Variants in ARHGAP8 observed in about 807,000 individuals in gnomAD.
ARHGAP8 encodes the protein Rho GTPase activating protein 8.
A neutral mutation model predicts 46.1 loss-of-function variants in ARHGAP8; 62 were observed. The ratio of observed to expected loss-of-function variants is 1.34; its 90% CI spans 1.10 to 1.66. ARHGAP8 has a LOEUF of 1.66. ARHGAP8 is among the 40% of genes most tolerant of loss of function. ARHGAP8 has a pLI of 0.00. For missense variants in ARHGAP8, 923 were observed against 568.4 expected (o/e 1.62, Z -6.34); for synonymous variants, 375 against 243.1 (o/e 1.54, Z -5.05).
chr22:44,796,399 C>G (rs1419193448), intron 2 of ARHGAP8, among the ~76,000 whole-genome samples: 1 of 151,888 alleles, frequency 6.6e-6, no homozygotes, highest in African/African-American at 2.4e-5. Flanking sequence ...GCGGCTGGCC[C>G]TCGTCCCCAG....
chr22:44,860,327 G>GT (rs1218172450), intron 11 of ARHGAP8, among the ~76,000 whole-genome samples: 1 of 152,162 alleles, frequency 6.6e-6, no homozygotes, highest in Non-Finnish European at 1.5e-5. Flanking sequence ...AAAGCAAGGT[G>GT]TGGCGGGCTG....
At position 44,854,024 on chromosome 22, in the gene ARHGAP8, C is replaced by CAAAA. The variant is rs71315119; in HGVS notation, c.877+4999_877+5002dup. ...CCTGGGACACAGCGAGACTCTGTCTCAAAAAAAAAAAAAAAAAAAAAAAAA... is the reference window on the plus strand; with the variant it reads ...CCTGGGACACAGCGAGACTCTGTCTCAAAAAAAAAAAAAAAAAAAAAAAAAAAAA... On this transcript the variant is annotated intron_variant, in intron 10 of 11. Transcript: ENST00000356099. 8.1e-4 allele frequency among the ~76,000 whole-genome samples: 35 copies of CAAAA among 43,302 alleles called. 5 individuals carry two copies. Among genetic ancestry groups the CAAAA allele is most frequent in the Non-Finnish European group, 1.4e-3 (35 of 25,158 alleles). 28.4% of individuals were successfully genotyped at this position (43,302 alleles called of 152,430 possible). A position where few individuals can be genotyped will look rare whatever the true frequency, so the allele number is the denominator to read the frequency against.
At chr22:44,827,661 C>G (rs1392131948) in intron 7 of ARHGAP8, among the ~76,000 whole-genome samples, 1 of 152,046 alleles carries the variant, frequency 6.6e-6, no homozygotes, top group Non-Finnish European at 1.5e-5. Context: ...TTGTTTTAAG[C>G]TACCAAGTTG....
intron 2 of ARHGAP8, among the ~76,000 whole-genome samples, chr22:44,790,544 C>CGGGT (rs1168178780): frequency 6.6e-5 from 10 of 151,548 alleles, no homozygotes; most frequent in African/African-American, 2.4e-4. Flanking sequence ...GGTGTGGTGG[C>CGGGT]ACATATCTGT....
chr22:44,776,514 A>G (rs1253827162), intron 1 of ARHGAP8, among the ~76,000 whole-genome samples: 3 of 151,880 alleles, frequency 2.0e-5, no homozygotes, highest in Non-Finnish European at 4.4e-5. Context: ...CTGTGTCTCC[A>G]CTGTGGTGAG....
At chr22:44,783,682 G>A (rs978932537) in intron 1 of ARHGAP8, among the ~76,000 whole-genome samples, 3 of 152,308 alleles carry the variant, frequency 2.0e-5, no homozygotes, top group Non-Finnish European at 2.9e-5. Flanking sequence ...TCCCCACCCC[G>A]TCAGCGGCAC....
intron 2 of ARHGAP8, among the ~76,000 whole-genome samples, chr22:44,788,771 A>G (rs1436897067): frequency 3.3e-5 from 5 of 152,234 alleles, no homozygotes; most frequent in African/African-American, 1.2e-4. Flanking sequence ...ATATATGGAT[A>G]CAATCCGCTT....
chr22:44,763,570 A>T (rs1373123213), intron 1 of ARHGAP8, among the ~76,000 whole-genome samples: 2 of 151,576 alleles, frequency 1.3e-5, no homozygotes, highest in South Asian at 2.1e-4. Flanking sequence ...AAATGAACGC[A>T]TTAAAGATTT....
chr22:44,858,436 C>G (rs145007122), intron 10 of ARHGAP8, among the ~76,000 whole-genome samples: 1 of 147,076 alleles, frequency 6.8e-6, no homozygotes, highest in Non-Finnish European at 1.5e-5. Flanking sequence ...GGCACCATCT[C>G]GGCTCAGTGC....
intron 1 of ARHGAP8, among the ~76,000 whole-genome samples, chr22:44,774,811 C>T (rs1050863411): frequency 1.1e-4 from 16 of 151,376 alleles, no homozygotes; most frequent in African/African-American, 2.2e-4. Flanking sequence ...CGTGAGCCAC[C>T]GTGCCTGGCC....
In ARHGAP8 at chr22:44,862,583, A is replaced by C; in HGVS notation, c.1290A>C (p.Arg430Ser). The change falls in exon 12 of 12, where the codon AGA (arginine) becomes AGC (serine). Residue 430 changes from arginine (R) to serine (S), a missense_variant. Arg to Ser is a moderately radical substitution (Grantham distance 110). Transcript: ENST00000356099. ...CTCCGAGTCCCCTGATGGCAGCCAG[A>C]AGACGTCTCTAGTGTTGCGAACACT... ...TLPPSPLMAA[R>S]RRL 1 of 1,584,446 alleles carries C rather than the reference A, an allele frequency of 6.3e-7. No homozygotes were observed. The highest frequency in any genetic ancestry group is 8.6e-7 in the Non-Finnish European group (1 of 1,159,986).
rs564860509 is a variant in ARHGAP8 at position 44,859,589 on chromosome 22, A to G, written c.878-142A>G. Reference sequence around the variant, plus strand: ...CTGAGCAGAGCCATACGGCCAGAAGATAAGTGGGGGTCCCAAGCCCAAATG... The same window carrying G: ...CTGAGCAGAGCCATACGGCCAGAAGGTAAGTGGGGGTCCCAAGCCCAAATG... On this transcript the variant is annotated intron_variant, in intron 10 of 11. Transcript: ENST00000356099. 34 of 797,174 alleles carry G rather than the reference A, an allele frequency of 4.3e-5. No individual in the cohort carries two copies. The Admixed American group carries it at 6.6e-4, about 16-fold the overall frequency. 49.4% of individuals were successfully genotyped at this position (797,174 alleles called of 1,614,324 possible). A position where few individuals can be genotyped will look rare whatever the true frequency, so the allele number is the denominator to read the frequency against.
intron 5 of ARHGAP8, among the ~76,000 whole-genome samples, chr22:44,816,500 T>C (rs903144389): frequency 2.6e-5 from 4 of 152,116 alleles, no homozygotes; most frequent in African/African-American, 7.2e-5. Flanking sequence ...TGGCAAGCAC[T>C]GGTCCTTGGG....
intron 5 of ARHGAP8, among the ~76,000 whole-genome samples, chr22:44,821,393 C>T (rs985532135): frequency 6.6e-6 from 1 of 151,354 alleles, no homozygotes; most frequent in Non-Finnish European, 1.5e-5. Context: ...CACACCACTG[C>T]ACTCCAGCCT....
At chr22:44,758,448 G>T (rs1317156684) in intron 1 of ARHGAP8, among the ~76,000 whole-genome samples, 2 of 152,204 alleles carry the variant, frequency 1.3e-5, no homozygotes, top group African/African-American at 4.8e-5. Context: ...TGAAGGCCAA[G>T]GCTGGGTGTA....
At chr22:44,791,894 C>T (rs1927715248) in intron 2 of ARHGAP8, among the ~76,000 whole-genome samples, 1 of 152,200 alleles carries the variant, frequency 6.6e-6, no homozygotes, top group Non-Finnish European at 1.5e-5. Flanking sequence ...ATAGAGTTTA[C>T]AGTCAAAGCA....
chr22:44,808,734 T>C (rs895164729), intron 4 of ARHGAP8: 5 of 536,026 alleles, frequency 9.3e-6, no homozygotes, highest in African/African-American at 7.8e-5. Flanking sequence ...GAGGCCAAGG[T>C]GGGTGGATCA....
intron 1 of ARHGAP8, among the ~76,000 whole-genome samples, chr22:44,769,384 G>A (rs1401323386): frequency 6.6e-6 from 1 of 152,194 alleles, no homozygotes; most frequent in Non-Finnish European, 1.5e-5. Context: ...TAGGTCTTGA[G>A]ATCAGAAATT....
chr22:44,831,589 C>T (rs938321222), intron 7 of ARHGAP8, among the ~76,000 whole-genome samples: 2 of 152,124 alleles, frequency 1.3e-5, no homozygotes, highest in East Asian at 3.9e-4. Context: ...ATCCCAGCTA[C>T]TCCGGGGACT....
Sources: gnomAD v4.1 joint callset for allele counts (sites outside exome capture counted in the v4.1 genomes callset) on GRCh38, gnomAD v4.1.1 for gene constraint, MANE v1.5 for transcripts, NCBI Gene and HGNC (gene_info 2026-07-23, HGNC 2026-07-21) for gene names.